Variants in NEMP2 observed in about 807,000 individuals in gnomAD.
The protein encoded by NEMP2 is UPF0571 transmembrane protein.
Under a neutral mutation model 54.2 loss-of-function variants are expected in NEMP2, and 53 were observed. The ratio of observed to expected loss-of-function variants is 0.98; its 90% confidence interval spans 0.78 to 1.23. NEMP2 has a LOEUF of 1.23. NEMP2 is among the 50% of genes most tolerant of loss of function. The pLI, the probability that NEMP2 is intolerant of heterozygous loss-of-function variation, is 0.00. For synonymous variants in NEMP2, 197 were observed against 190.3 expected (o/e 1.04, Z -0.29); for missense variants, 455 against 511.3 (o/e 0.89, Z 1.06).
chr2:190,505,853 AT>A lies in NEMP2; in HGVS notation c.*3335del, dbSNP rs1257754910. 6.6e-6 allele frequency: 1 copy of A among 152,150 alleles called. No homozygotes were observed. Among genetic ancestry groups the A allele is most frequent in the Non-Finnish European group, 1.5e-5 (1 of 68,020 alleles). 9.4% of individuals were successfully genotyped at this position (152,150 alleles called of 1,614,324 possible). A position where few individuals can be genotyped will look rare whatever the true frequency, so the allele number is the denominator to read the frequency against. ...TCTTTGTCAACAGACCTGGTATCTC[AT>A]CCCATTAACAAGGCTAGCCCCACTG... On this transcript the variant is annotated 3_prime_UTR_variant, in exon 9 of 9. Coordinates refer to ENST00000409150, the MANE Select transcript of NEMP2 (RefSeq NM_001142645.2). This position sits in a 1 kb window ranked among gnomAD's most constrained non-coding sequence, Gnocchi z 5.8.
At chr2:190,598,804 C>G in the NEMP2 span, among the ~76,000 whole-genome samples, 15 of 152,302 alleles carry the variant, frequency 9.8e-5, no homozygotes, top group Non-Finnish European at 2.1e-4. Context: ...ATAATACTAA[C>G]CTTGCCAAAT....
the NEMP2 span, among the ~76,000 whole-genome samples, chr2:190,486,806 G>A: frequency 1.3e-5 from 2 of 152,194 alleles, no homozygotes; most frequent in African/African-American, 4.8e-5. Context: ...TCAGGGGATG[G>A]AACCAGATGA....
At chr2:190,458,602 C>G in the NEMP2 span, among the ~76,000 whole-genome samples, 57 of 152,302 alleles carry the variant, frequency 3.7e-4, no homozygotes, top group African/African-American at 1.3e-3. This position sits in a 1 kb window ranked among gnomAD's most constrained non-coding sequence, Gnocchi z 5.3. Flanking sequence ...TCCCTTCCCC[C>G]CGAGTGCTTG....
the NEMP2 span, chr2:190,609,646 T>C: frequency 6.6e-6 from 1 of 152,162 alleles, no homozygotes; most frequent in Non-Finnish European, 1.5e-5. This position sits in a 1 kb window ranked among gnomAD's most constrained non-coding sequence, Gnocchi z 4.7. Flanking sequence ...GCTGGGACAG[T>C]TGTTGTAATG....
upstream of NEMP2, chr2:190,534,722 TGGCGCGGG>T: frequency 8.7e-7 from 1 of 1,154,242 alleles, no homozygotes. Context: ...GGAGCGGAAG[TGGCGCGGG>T]GGCTCAGAGA....
At chr2:190,538,041 C>G (rs1691435394), upstream of NEMP2, among the ~76,000 whole-genome samples, 1 of 152,168 alleles carries the variant, frequency 6.6e-6, no homozygotes, top group Non-Finnish European at 1.5e-5. This position sits in a 1 kb window ranked among gnomAD's most constrained non-coding sequence, Gnocchi z 4.1. Flanking sequence ...TAAAGCTAAC[C>G]TGTCTCATGA....
At chr2:190,635,215 T>C in the NEMP2 span, among the ~76,000 whole-genome samples, 3 of 152,072 alleles carry the variant, frequency 2.0e-5, no homozygotes, top group South Asian at 6.2e-4. The surrounding 1 kb of genome is among the most constrained non-coding windows in gnomAD (Gnocchi z 4.1). Context: ...TACACATTCA[T>C]CTGCAATCTT....
the NEMP2 span, among the ~76,000 whole-genome samples, chr2:190,421,725 TA>T: frequency 3.5e-3 from 522 of 151,008 alleles, 4 homozygotes; most frequent in African/African-American, 0.012. Context: ...CTGGCTAACT[TA>T]AAAAAAAAAT....
chr2:190,471,162 A>G, the NEMP2 span, among the ~76,000 whole-genome samples: 1 of 152,198 alleles, frequency 6.6e-6, no homozygotes, highest in Admixed American at 6.5e-5. This position sits in a 1 kb window ranked among gnomAD's most constrained non-coding sequence, Gnocchi z 4.7. Flanking sequence ...TCTCAGCGTA[A>G]GTGACACAGA....
At chr2:190,543,840 T>G in the NEMP2 span, among the ~76,000 whole-genome samples, 1 of 152,358 alleles carries the variant, frequency 6.6e-6, no homozygotes, top group South Asian at 2.1e-4. The surrounding 1 kb of genome is among the most constrained non-coding windows in gnomAD (Gnocchi z 4.7). Context: ...TTTCAGCCTC[T>G]GCTTTTTTAT....
the NEMP2 span, chr2:190,435,403 A>T: frequency 6.6e-6 from 1 of 152,482 alleles, no homozygotes; most frequent in Admixed American, 6.5e-5. Context: ...ACTGTACATA[A>T]TATATGCAAT....
In NEMP2 at chr2:190,513,950, C is replaced by G. The variant is rs1690460383; in HGVS notation, c.953+503G>C. 6.6e-6 allele frequency among the ~76,000 whole-genome samples: 1 copy of G among 152,170 alleles called. No homozygotes were observed. Among genetic ancestry groups the G allele is most frequent in the South Asian group, 2.1e-4 (1 of 4,832 alleles). On this transcript the variant is annotated intron_variant, in intron 7 of 8. Coordinates refer to ENST00000409150, the MANE Select transcript of NEMP2 (RefSeq NM_001142645.2). This position sits in a 1 kb window ranked among gnomAD's most constrained non-coding sequence, Gnocchi z 5.3. The stretch of plus-strand genomic sequence containing the variant: ...GAGGAGAAACATAACAAAGCTGTCA[C>G]AATAGAGGTTACTTCATTTTTCTTT...
chr2:190,549,069 C>G, the NEMP2 span, among the ~76,000 whole-genome samples: 19 of 152,278 alleles, frequency 1.2e-4, no homozygotes, highest in African/African-American at 4.1e-4. Flanking sequence ...TATGATATAT[C>G]TATTGAAAAA....
At chr2:190,559,209 G>A in the NEMP2 span, among the ~76,000 whole-genome samples, 1 of 152,190 alleles carries the variant, frequency 6.6e-6, no homozygotes, top group Non-Finnish European at 1.5e-5. This position sits in a 1 kb window ranked among gnomAD's most constrained non-coding sequence, Gnocchi z 4.0. Context: ...TGGCTTGATT[G>A]AATGGCCATT....
the NEMP2 span, among the ~76,000 whole-genome samples, chr2:190,478,449 G>A: frequency 1.3e-5 from 2 of 152,180 alleles, no homozygotes; most frequent in East Asian, 3.8e-4. Context: ...GATTATTCAT[G>A]TGGAATAAAA....
chr2:190,424,111 T>G, the NEMP2 span, among the ~76,000 whole-genome samples: 61 of 152,310 alleles, frequency 4.0e-4, 1 homozygote, highest in African/African-American at 1.3e-3. The surrounding 1 kb of genome is among the most constrained non-coding windows in gnomAD (Gnocchi z 5.9). Flanking sequence ...TTGCAGAGTC[T>G]TTTAAAGAGC....
chr2:190,510,277 C>A lies in NEMP2; in HGVS notation c.1130+84G>T. 6.8e-7 allele frequency: 1 copy of A among 1,466,210 alleles called. No individual in the cohort carries two copies. The highest frequency in any genetic ancestry group is 1.3e-5 in the South Asian group (1 of 77,106). The allele number at this position is 1,466,210 out of a possible 1,614,324, so 90.8% of individuals were successfully genotyped here. A position where few individuals can be genotyped will look rare whatever the true frequency, so the allele number is the denominator to read the frequency against. The stretch of plus-strand genomic sequence containing the variant: ...TCCAGGGAAACAGTCTATTTCTACC[C>A]TGAAGTGCCTGTACCAAACCATCAT... On this transcript the variant is annotated intron_variant, in intron 8 of 8. Transcript: ENST00000409150. The surrounding 1 kb of genome is among the most constrained non-coding windows in gnomAD (Gnocchi z 5.7).
chr2:190,566,204 C>G, the NEMP2 span, among the ~76,000 whole-genome samples: 3 of 152,144 alleles, frequency 2.0e-5, no homozygotes, highest in African/African-American at 7.2e-5. Flanking sequence ...ATTCAGTAGA[C>G]TAGATAGAGA....
the NEMP2 span, among the ~76,000 whole-genome samples, chr2:190,647,686 C>G: frequency 1.3e-5 from 2 of 148,240 alleles, no homozygotes; most frequent in Non-Finnish European, 3.0e-5. Flanking sequence ...TTGGCAATAG[C>G]TTAAGTACAT....
Sources: allele counts gnomAD v4.1 joint callset (sites outside exome capture counted in the v4.1 genomes callset), GRCh38; gene constraint gnomAD v4.1.1; non-coding constraint Gnocchi (gnomAD v3.1); transcripts MANE v1.5; gene names NCBI Gene and HGNC (gene_info 2026-07-23, HGNC 2026-07-21).